ARMC9: variants seen among roughly 807,000 people sequenced by gnomAD.
The protein encoded by ARMC9 is lisH domain-containing protein ARMC9.
Under a neutral mutation model 107.0 loss-of-function variants are expected in ARMC9, and 94 were observed. The ratio of observed to expected loss-of-function variants is 0.88; its 90% CI spans 0.74 to 1.04. The LOEUF is 1.04. ARMC9 is among the 50% of genes least tolerant of loss of function. The pLI, the probability that ARMC9 is intolerant of heterozygous loss-of-function variation, is 0.00. For missense variants in ARMC9, 942 were observed against 1,030.1 expected, an observed-to-expected ratio of 0.91 and a Z score of 1.17; for synonymous variants, 380 against 396.9, an observed-to-expected ratio of 0.96 and a Z score of 0.51.
chr2:231,362,282 G>A lies in ARMC9; in HGVS notation c.2261+1399G>A, dbSNP rs1299567938. Among the ~76,000 whole-genome samples the A allele has an allele frequency of 6.6e-6, 1 of 152,184 alleles. No individual in the cohort carries two copies. The highest frequency in any genetic ancestry group is 2.4e-5 in the African/African-American group (1 of 41,440). On this transcript the variant is annotated intron_variant, in intron 23 of 24. Transcript: ENST00000611582. This position sits in a 1 kb window ranked among gnomAD's most constrained non-coding sequence, Gnocchi z 4.7. Reference sequence around the variant, plus strand: ...ACTCAAAATGAGAGACCTCTGAGGAGTGGGCTAGAGCTATCTCATGCCCCC... The same window carrying A: ...ACTCAAAATGAGAGACCTCTGAGGAATGGGCTAGAGCTATCTCATGCCCCC...
chr2:231,301,223 G>A (rs1298097771), intron 19 of ARMC9, among the ~76,000 whole-genome samples: 3 of 152,190 alleles, frequency 2.0e-5, no homozygotes, highest in Non-Finnish European at 2.9e-5. Flanking sequence ...GAGTTAGGCA[G>A]TGTAGCAAGT....
At chr2:231,337,158 ATCCCT>A (rs2044150870) in intron 20 of ARMC9, among the ~76,000 whole-genome samples, 1 of 151,382 alleles carries the variant, frequency 6.6e-6, no homozygotes, top group Admixed American at 6.6e-5. Flanking sequence ...GCATTTCCTA[ATCCCT>A]TTTCAGTCTA....
chr2:231,355,752 C>G, intron 21 of ARMC9, 46 bp from the exon 22 acceptor site: 1 of 1,503,936 alleles, frequency 6.6e-7, no homozygotes, highest in Non-Finnish European at 8.9e-7. Context: ...CAGTCCGAAT[C>G]TCCTGGCTGG....
chr2:231,291,465 T>G (rs1232490877), intron 18 of ARMC9, 22 bp downstream of exon 18: 2 of 1,599,026 alleles, frequency 1.3e-6, no homozygotes, highest in South Asian at 1.1e-5. Flanking sequence ...GCAAGAATCT[T>G]TGATCTATCT....
intron 7 of ARMC9, among the ~76,000 whole-genome samples, chr2:231,229,388 G>C (rs2034993725): frequency 6.6e-6 from 1 of 152,194 alleles, no homozygotes; most frequent in Admixed American, 6.5e-5. Flanking sequence ...GGTTAAGTGA[G>C]ATTACCAGAA....
chr2:231,345,075 G>A lies in ARMC9; in HGVS notation c.1979G>A (p.Arg660Lys), dbSNP rs201289966. 2.4e-4 allele frequency: 385 copies of A among 1,613,628 alleles called. 1 individual carries two copies. The highest frequency in any genetic ancestry group is 1.5e-4 in the Non-Finnish European group (174 of 1,179,932). Reference sequence around the variant, plus strand: ...AGGCCCGTCACCCCCGGCGGCCACAGAAACGGGTACCCAGTGTAAGTCAGG... The same window carrying A: ...AGGCCCGTCACCCCCGGCGGCCACAAAAACGGGTACCCAGTGTAAGTCAGG... Reference protein sequence around the residue: ...LQRPVTPGGHRNGYPVVEDQH... With the variant: ...LQRPVTPGGHKNGYPVVEDQH... Residue 660 changes from arginine (R) to lysine (K), a missense_variant, in exon 21 of 25, where the codon AGA (arginine) becomes AAA (lysine). Arg to Lys is a conservative substitution (Grantham distance 26). Coordinates refer to ENST00000611582, the MANE Select transcript of ARMC9 (RefSeq NM_001352754.2).
chr2:231,365,328 T>G (rs1366443120), intron 23 of ARMC9, among the ~76,000 whole-genome samples: 1 of 152,168 alleles, frequency 6.6e-6, no homozygotes, highest in Admixed American at 6.5e-5. Context: ...CTGGCCCTTA[T>G]ATGATCTCAG....
intron 4 of ARMC9, among the ~76,000 whole-genome samples, chr2:231,215,772 G>A (rs1289287121): frequency 2.6e-5 from 4 of 152,240 alleles, no homozygotes; most frequent in Non-Finnish European, 5.9e-5. Context: ...CAACGGTGGG[G>A]ACAGTGGTGG....
intron 14 of ARMC9, among the ~76,000 whole-genome samples, chr2:231,275,709 T>C (rs1173345263): frequency 2.0e-5 from 3 of 152,186 alleles, no homozygotes; most frequent in African/African-American, 4.8e-5. Flanking sequence ...ATCCCAGCAC[T>C]TTGGAAGGTT....
At chr2:231,276,606 T>A in intron 14 of ARMC9, 30 bp from the exon 15 acceptor site, 2 of 1,613,600 alleles carry the variant, frequency 1.2e-6, no homozygotes, top group Non-Finnish European at 1.7e-6. Flanking sequence ...TCTTGGCAGT[T>A]TGTATTTACC....
intron 1 of ARMC9, among the ~76,000 whole-genome samples, chr2:231,200,842 G>GAA (rs992109438): frequency 1.0e-5 from 1 of 96,988 alleles, no homozygotes; most frequent in Non-Finnish European, 2.2e-5. Flanking sequence ...CTCAGAAAAA[G>GAA]AAAAAAAAAA....
intron 16 of ARMC9, among the ~76,000 whole-genome samples, chr2:231,279,087 A>G (rs993210610): frequency 5.9e-5 from 9 of 152,188 alleles, no homozygotes; most frequent in Admixed American, 5.9e-4. Flanking sequence ...AGCCTGTGCC[A>G]GAGCTTCCAG....
At chr2:231,256,208 A>G (rs2037785940) in intron 9 of ARMC9, 2 of 1,531,764 alleles carry the variant, frequency 1.3e-6, no homozygotes, top group Non-Finnish European at 1.8e-6. Context: ...CATGGACGAC[A>G]CGAGCCGATC....
chr2:231,280,544 T>C (rs1353407404), intron 16 of ARMC9, among the ~76,000 whole-genome samples: 1 of 152,100 alleles, frequency 6.6e-6, no homozygotes, highest in African/African-American at 2.4e-5. Context: ...TACATACATA[T>C]ATACTTTAGA....
chr2:231,283,339 AC>A (rs1485502666), intron 17 of ARMC9, among the ~76,000 whole-genome samples: 1 of 152,188 alleles, frequency 6.6e-6, no homozygotes, highest in Non-Finnish European at 1.5e-5. Context: ...TGTCTAGGAA[AC>A]CCCTAAATGT....
rs568369367 is a variant in ARMC9, at chr2:231,255,948, G to C, written c.880-638G>C. 1 of 706,008 alleles carries C rather than the reference G, an allele frequency of 1.4e-6. No homozygotes were observed. The highest frequency in any genetic ancestry group is 2.0e-5 in the South Asian group (1 of 51,218). The allele number at this position is 706,008 out of a possible 1,614,324, so 43.7% of individuals were successfully genotyped here. A position where few individuals can be genotyped will look rare whatever the true frequency, so the allele number is the denominator to read the frequency against. On this transcript the variant is annotated intron_variant, in intron 9 of 24. Transcript: ENST00000611582. The surrounding 1 kb of genome is among the most constrained non-coding windows in gnomAD (Gnocchi z 4.7). ...CCAGCTACTCAGGAGGCTGAGGCAGGAGAATGGCGTGAACCCGGTAGGCGG... is the reference window on the plus strand; with the variant it reads ...CCAGCTACTCAGGAGGCTGAGGCAGCAGAATGGCGTGAACCCGGTAGGCGG...
At chr2:231,220,568 G>T (rs942194993) in intron 5 of ARMC9, among the ~76,000 whole-genome samples, 1 of 136,696 alleles carries the variant, frequency 7.3e-6, no homozygotes, top group Non-Finnish European at 1.5e-5. Context: ...CTGCGCTCCA[G>T]TTTGGGCAAC....
intron 16 of ARMC9, among the ~76,000 whole-genome samples, chr2:231,279,811 G>A (rs891625841): frequency 3.3e-5 from 5 of 152,028 alleles, no homozygotes; most frequent in African/African-American, 4.8e-5. Flanking sequence ...TGCCTGGCCC[G>A]TCTGTTCCCA....
At chr2:231,316,171 TGTGTG>T (rs2042666943) in intron 19 of ARMC9, among the ~76,000 whole-genome samples, 1 of 151,738 alleles carries the variant, frequency 6.6e-6, no homozygotes, top group African/African-American at 2.4e-5. Flanking sequence ...TGTGTGTGTG[TGTGTG>T]TGTGTGTGTG....
Sources: allele counts gnomAD v4.1 joint callset (sites outside exome capture counted in the v4.1 genomes callset), GRCh38; gene constraint gnomAD v4.1.1; non-coding constraint Gnocchi (gnomAD v3.1); transcripts MANE v1.5; gene names NCBI Gene and HGNC (gene_info 2026-07-23, HGNC 2026-07-21).